The following CCDC148 variants were observed in gnomAD, a reference collection of about 807,000 sequenced individuals.
The protein encoded by CCDC148 is coiled-coil domain containing 148.
In CCDC148, 89 loss-of-function variants were observed where a neutral mutation model predicts 85.7. The ratio of observed to expected loss-of-function variants is 1.04; its 90% CI spans 0.87 to 1.24. CCDC148 has a LOEUF of 1.24. Among genes scored for constraint, CCDC148 ranks in the 50% most tolerant of loss-of-function variants. The pLI is 0.00. For missense variants in CCDC148, 692 were observed against 671.7 expected (o/e 1.03, Z -0.33); for synonymous variants, 230 against 213.9 (o/e 1.08, Z -0.66).
At chr2:158,274,045 G>T (rs1220473449) in intron 9 of CCDC148, among the ~76,000 whole-genome samples, 4 of 152,078 alleles carry the variant, frequency 2.6e-5, no homozygotes. Flanking sequence ...ACATATAGAT[G>T]ACCCCATACT....
chr2:158,440,870 C>T (rs2105342426), intron 1 of CCDC148, among the ~76,000 whole-genome samples: 1 of 152,176 alleles, frequency 6.6e-6, no homozygotes, highest in African/African-American at 2.4e-5. Flanking sequence ...TGTCTGATAG[C>T]TGTTCAATAG....
intron 9 of CCDC148, among the ~76,000 whole-genome samples, chr2:158,308,763 G>A: frequency 6.6e-6 from 1 of 152,146 alleles, no homozygotes; most frequent in East Asian, 1.9e-4. Context: ...CCCTCCTGTG[G>A]AATGCAATTA....
In CCDC148 at chr2:158,339,388, C is replaced by T. The variant is rs1467301713; in HGVS notation, c.487-303G>A. On this transcript the variant is annotated intron_variant, in intron 5 of 13. Transcript: ENST00000283233. ...TTACCAGATGTCTCTGCTCCAATCA[C>T]CCCTTCCTTCCCTTGCATTCTTGCC... Among the ~76,000 whole-genome samples, 8 of 152,268 alleles carry T rather than the reference C, an allele frequency of 5.3e-5. No individual in the cohort carries two copies. The East Asian group carries it at 1.4e-3, about 26-fold the overall frequency.
At chr2:158,233,910 G>A (rs577001249) in intron 10 of CCDC148, among the ~76,000 whole-genome samples, 8 of 152,110 alleles carry the variant, frequency 5.3e-5, no homozygotes, top group Non-Finnish European at 8.8e-5. Context: ...GGGTGCAGTG[G>A]CTCAAGCCTG....
intron 1 of CCDC148, among the ~76,000 whole-genome samples, chr2:158,424,001 T>C (rs1008738124): frequency 6.6e-6 from 1 of 152,050 alleles, no homozygotes; most frequent in African/African-American, 2.4e-5. Context: ...GAAATGCAAA[T>C]CAAAACCACA....
At chr2:158,339,213 A>C in intron 5 of CCDC148, 128 bp from the exon 6 acceptor site, 1 of 708,610 alleles carries the variant, frequency 1.4e-6, no homozygotes, top group Non-Finnish European at 2.4e-6. Flanking sequence ...GAAGAGAGTT[A>C]AAGAGATGCC....
intron 10 of CCDC148, among the ~76,000 whole-genome samples, chr2:158,224,478 C>T (rs564132907): frequency 1.3e-5 from 2 of 152,252 alleles, no homozygotes; most frequent in South Asian, 4.1e-4. Flanking sequence ...CACAAAGATA[C>T]TCCTTGAGAA....
intron 10 of CCDC148, among the ~76,000 whole-genome samples, chr2:158,226,070 A>T (rs1687500487): frequency 6.6e-6 from 1 of 152,230 alleles, no homozygotes; most frequent in African/African-American, 2.4e-5. Flanking sequence ...AGACTAATAA[A>T]GCAGAAAAGA....
At chr2:158,300,311 C>T (rs1405844096) in intron 9 of CCDC148, among the ~76,000 whole-genome samples, 5 of 152,110 alleles carry the variant, frequency 3.3e-5, no homozygotes, top group African/African-American at 9.7e-5. Context: ...CCTATCAGGT[C>T]CCAAACACTG....
At chr2:158,206,284 C>T (rs184245257) in intron 11 of CCDC148, among the ~76,000 whole-genome samples, 6 of 152,228 alleles carry the variant, frequency 3.9e-5, no homozygotes, top group East Asian at 1.9e-4. Context: ...ACTCATTAAA[C>T]GAATGTAGAA....
chr2:158,422,289 A>C (rs1223884222), intron 1 of CCDC148, among the ~76,000 whole-genome samples: 3 of 152,176 alleles, frequency 2.0e-5, no homozygotes, highest in Non-Finnish European at 4.4e-5. Flanking sequence ...CAACCAAAAA[A>C]GATAATTTTA....
At chr2:158,450,360 T>G (rs750549849) in intron 1 of CCDC148, among the ~76,000 whole-genome samples, 1 of 152,176 alleles carries the variant, frequency 6.6e-6, no homozygotes, top group Non-Finnish European at 1.5e-5. Flanking sequence ...TGGTGATCAT[T>G]TGATGACCCA....
intron 11 of CCDC148, among the ~76,000 whole-genome samples, chr2:158,199,355 C>T (rs1306620448): frequency 6.6e-6 from 1 of 152,102 alleles, no homozygotes; most frequent in Non-Finnish European, 1.5e-5. Context: ...AGTGATTCTC[C>T]TGCCTCGGCC....
chr2:158,241,329 T>C (rs1009835289), intron 10 of CCDC148, among the ~76,000 whole-genome samples: 5 of 152,232 alleles, frequency 3.3e-5, no homozygotes, highest in African/African-American at 7.2e-5. Flanking sequence ...TTTTAGTTTT[T>C]CTCTATTAAC....
chr2:158,190,677 T>C (rs979676183), intron 11 of CCDC148, among the ~76,000 whole-genome samples: 5 of 152,202 alleles, frequency 3.3e-5, no homozygotes, highest in African/African-American at 1.2e-4. Context: ...CATGAGGCCA[T>C]ATAATCATTT....
intron 1 of CCDC148, among the ~76,000 whole-genome samples, chr2:158,429,148 A>AG (rs1202039783): frequency 7.4e-5 from 9 of 121,820 alleles, no homozygotes; most frequent in East Asian, 2.5e-4. Context: ...GGGTGGGGGC[A>AG]GGGGGGAGGG....
rs1293636928 is a variant in CCDC148 at position 158,193,895 on chromosome 2, C to G, written c.1371-14899G>C. Among the ~76,000 whole-genome samples the G allele has an allele frequency of 2.5e-5, 3 of 121,792 alleles. No homozygotes were observed. In the East Asian group the frequency reaches 8.5e-4, roughly 34 times the overall value. The allele number at this position is 121,792 out of a possible 152,430, so 79.9% of individuals were successfully genotyped here. A position where few individuals can be genotyped will look rare whatever the true frequency, so the allele number is the denominator to read the frequency against. ...ACAACAGGCCCCAGTGTGTGATGTT[C>G]CCCCTTCTGTGTCCCAATGTAAATG... On this transcript the variant is annotated intron_variant, in intron 11 of 13. Coordinates refer to ENST00000283233, the MANE Select transcript of CCDC148 (RefSeq NM_138803.4).
chr2:158,328,489 T>C (rs1482938933), intron 7 of CCDC148, among the ~76,000 whole-genome samples: 1 of 152,192 alleles, frequency 6.6e-6, no homozygotes, highest in Non-Finnish European at 1.5e-5. Context: ...TGCATGTGTC[T>C]TTATAGCAGC....
intron 11 of CCDC148, among the ~76,000 whole-genome samples, chr2:158,181,382 T>G (rs1434142443): frequency 6.6e-6 from 1 of 152,164 alleles, no homozygotes; most frequent in Non-Finnish European, 1.5e-5. Flanking sequence ...GCACCTGCCA[T>G]GCATCAAGGG....
Sources: allele counts gnomAD v4.1 joint callset (sites outside exome capture counted in the v4.1 genomes callset), GRCh38; gene constraint gnomAD v4.1.1; transcripts MANE v1.5; gene names NCBI Gene and HGNC (gene_info 2026-07-23, HGNC 2026-07-21).